The following BPTF variants were observed in gnomAD, a reference collection of about 807,000 sequenced individuals.
BPTF encodes bromodomain PHD finger transcription factor.
BPTF carries 18 observed loss-of-function variants against 292.5 expected under a neutral mutation model. That is an observed-to-expected ratio of 0.06 (90% CI 0.04 to 0.09). The LOEUF (loss-of-function observed/expected upper bound fraction) is 0.09. Ranked by LOEUF, BPTF falls within the 10% of genes least tolerant of loss-of-function variation. BPTF has a pLI of 1.00. For missense variants in BPTF, 2,726 were observed against 3,498.7 expected (o/e 0.78, Z 5.57); for synonymous variants, 1,225 against 1,251.9 (o/e 0.98, Z 0.45).
At chr17:67,840,655 A>G (rs2057484429) in intron 1 of BPTF, among the ~76,000 whole-genome samples, 1 of 152,000 alleles carries the variant, frequency 6.6e-6, no homozygotes, top group Non-Finnish European at 1.5e-5. Flanking sequence ...CGCCTACCCA[A>G]GGCTCAAGGT....
intron 8 of BPTF, among the ~76,000 whole-genome samples, chr17:67,904,258 G>C (rs2062033597): frequency 6.6e-6 from 1 of 152,140 alleles, no homozygotes; most frequent in Non-Finnish European, 1.5e-5. Flanking sequence ...TGGAACTCCT[G>C]ACCTCAGGTG....
intron 5 of BPTF, 154 bp from the exon 6 acceptor site, chr17:67,893,216 T>A: frequency 1.6e-6 from 1 of 625,386 alleles, no homozygotes; most frequent in Non-Finnish European, 2.9e-6. Flanking sequence ...TAGCTTTACT[T>A]TTAACTTAGC....
intron 18 of BPTF, among the ~76,000 whole-genome samples, chr17:67,937,253 C>A (rs913308003): frequency 1.3e-5 from 2 of 151,722 alleles, no homozygotes; most frequent in African/African-American, 4.8e-5. Flanking sequence ...GTCAGGAGTT[C>A]AAGACCAGCC....
At position 67,866,468 on chromosome 17, in the gene BPTF, G is replaced by C. The variant is rs990676304; in HGVS notation, c.1441G>C (p.Glu481Gln). Residue 481 changes from glutamate (E) to glutamine (Q), a missense_variant, in exon 3 of 28, where the codon GAA becomes CAA. Physicochemically the swap from Glu to Gln is conservative, Grantham distance 29. Around this residue, in one of 22 missense-constraint regions of BPTF, gnomAD observed 187 missense variants for 201.5 expected, o/e 0.93. Transcript: ENST00000306378. ...TTTCCCCCCATTTTTAAACAGAGAA[G>C]AAGATACAGAAAATGAAAATGAAAA... The part of the protein sequence containing the change: ...WFLNRRLIIE[E>Q]DTENENEKKI... The C allele has an allele frequency of 1.3e-6, 2 of 1,599,958 alleles. No individual in the cohort carries two copies. Among genetic ancestry groups the C allele is most frequent in the African/African-American group, 1.3e-5 (1 of 74,644 alleles).
chr17:67,909,743 A>G lies in BPTF; in HGVS notation c.2974A>G (p.Thr992Ala). 6.4e-7 allele frequency: 1 copy of G among 1,573,650 alleles called. No individual in the cohort carries two copies. ...AAATGAAATGGATATCTCAAAGATT[A>G]CTGAGAAGAAGGACCAAGGTAAGGA... is the stretch of plus-strand genomic sequence containing the variant. ...DQNEMDISKI[T>A]EKKDQDVKEL... The change falls in exon 10 of 28, where the codon ACT becomes GCT. Residue 992 changes from threonine to alanine, a missense_variant. Transcript: ENST00000306378.
At chr17:67,970,819 C>T (rs922781695) in intron 26 of BPTF, among the ~76,000 whole-genome samples, 1 of 152,184 alleles carries the variant, frequency 6.6e-6, no homozygotes, top group Non-Finnish European at 1.5e-5. Context: ...TAACAGCCCC[C>T]ATCAATAGAT....
intron 2 of BPTF, among the ~76,000 whole-genome samples, chr17:67,862,014 C>T (rs919589521): frequency 5.3e-5 from 8 of 152,162 alleles, no homozygotes; most frequent in Admixed American, 3.3e-4. Flanking sequence ...CTCACTCTGT[C>T]GCCCAGGCTG....
intron 16 of BPTF, chr17:67,928,982 G>T (rs1244020790): frequency 3.4e-6 from 4 of 1,179,298 alleles, no homozygotes; most frequent in Non-Finnish European, 4.2e-6. Flanking sequence ...TGCCACATCT[G>T]CTACAACCAT....
At chr17:67,870,914 C>T (rs1405905675) in intron 3 of BPTF, among the ~76,000 whole-genome samples, 3 of 150,092 alleles carry the variant, frequency 2.0e-5, no homozygotes, top group African/African-American at 4.9e-5. Context: ...GGACTACAGG[C>T]GCCCGCCACT....
intron 2 of BPTF, among the ~76,000 whole-genome samples, chr17:67,856,353 G>A (rs1367728388): frequency 6.6e-6 from 1 of 151,934 alleles, no homozygotes; most frequent in African/African-American, 2.4e-5. Context: ...CTTGGATATA[G>A]TATTTTCTCT....
intron 1 of BPTF, 113 bp from the exon 2 acceptor site, chr17:67,853,827 C>T: frequency 1.3e-6 from 1 of 779,654 alleles, no homozygotes; most frequent in South Asian, 2.1e-5. Context: ...TTTAACTTGA[C>T]AATTATTAAA....
In BPTF at chr17:67,945,395, T is replaced by C; in HGVS notation, c.6701-14T>C. 2 of 1,597,448 alleles carry C rather than the reference T, an allele frequency of 1.3e-6. No homozygotes were observed. The highest frequency in any genetic ancestry group is 1.7e-6 in the Non-Finnish European group (2 of 1,171,576). On this transcript the variant is annotated splice_polypyrimidine_tract_variant and intron_variant, in intron 20 of 27. Coordinates refer to ENST00000306378, the MANE Select transcript of BPTF (RefSeq NM_182641.4). Reference sequence around the variant, plus strand: ...TCCAGAGTAATAGAAATGGTTCATCTTTCCTTTTTACAGGTACAGGTGAAC... The same window carrying C: ...TCCAGAGTAATAGAAATGGTTCATCCTTCCTTTTTACAGGTACAGGTGAAC...
intron 1 of BPTF, among the ~76,000 whole-genome samples, chr17:67,836,547 G>A (rs1176282263): frequency 6.6e-6 from 1 of 152,188 alleles, no homozygotes; most frequent in East Asian, 1.9e-4. Context: ...ATTTAAAATA[G>A]TGAATGACAT....
At chr17:67,929,678 A>G (rs1429338505) in intron 17 of BPTF, among the ~76,000 whole-genome samples, 191 bp downstream of exon 17, 8 of 152,214 alleles carry the variant, frequency 5.3e-5, no homozygotes, top group Non-Finnish European at 1.0e-4. Flanking sequence ...ATTAATGTCT[A>G]ACAGTTAATG....
chr17:67,918,574 C>T (rs1327970632), intron 11 of BPTF, 140 bp from the exon 12 acceptor site: 3 of 684,464 alleles, frequency 4.4e-6, no homozygotes, highest in Non-Finnish European at 6.5e-6. Flanking sequence ...ATACCAAAGT[C>T]TTACAAAACC....
In BPTF at chr17:67,945,674, G is replaced by C; in HGVS notation, c.6966G>C (p.Lys2322Asn). 1 of 1,614,008 alleles carries C rather than the reference G, an allele frequency of 6.2e-7. No individual in the cohort carries two copies. The highest frequency in any genetic ancestry group is 8.5e-7 in the Non-Finnish European group (1 of 1,180,014). Residue 2322 changes from lysine (K) to asparagine (N), a missense_variant, in exon 21 of 28, where the codon AAG becomes AAC. This residue lies in a region of BPTF where 570 missense variants were observed against 633.5 expected (regional missense o/e 0.90). Transcript: ENST00000306378. ...EAQPTHAQSS[K>N]PQVAAQSQPQ... ...AACCCACCCACGCACAGTCATCCAAGCCCCAAGTTGCAGCACAGTCTCAGC... is the reference window on the plus strand; with the variant it reads ...AACCCACCCACGCACAGTCATCCAACCCCCAAGTTGCAGCACAGTCTCAGC...
intron 19 of BPTF, among the ~76,000 whole-genome samples, chr17:67,942,140 A>T (rs2065419386): frequency 6.6e-6 from 1 of 152,028 alleles, no homozygotes; most frequent in Admixed American, 6.6e-5. Context: ...ACATGGGGAA[A>T]CCCCGTTTCT....
At chr17:67,945,273 A>C in intron 20 of BPTF, 136 bp from the exon 21 acceptor site, 2 of 1,447,920 alleles carry the variant, frequency 1.4e-6, no homozygotes, top group Middle Eastern at 4.1e-4. Context: ...TCCCACCTCA[A>C]CGTCCCAAGG....
intron 25 of BPTF, among the ~76,000 whole-genome samples, chr17:67,964,617 G>C (rs2067831295): frequency 6.6e-6 from 1 of 152,126 alleles, no homozygotes; most frequent in Non-Finnish European, 1.5e-5. Flanking sequence ...ACACTCACAA[G>C]AGTGTTAACA....
Sources: allele counts gnomAD v4.1 joint callset (sites outside exome capture counted in the v4.1 genomes callset), GRCh38; gene constraint gnomAD v4.1.1; regional missense constraint gnomAD v4.1.1; transcripts MANE v1.5; gene names NCBI Gene and HGNC (gene_info 2026-07-23, HGNC 2026-07-21).